Variants in MAPRE1 observed in about 807,000 individuals in gnomAD.
MAPRE1 encodes microtubule associated protein RP/EB family member 1, also known as microtubule-associated protein RP/EB family member 1.
A neutral mutation model predicts 32.1 loss-of-function variants in MAPRE1; 5 were observed. That is an observed-to-expected ratio of 0.16 (90% CI 0.08 to 0.33). MAPRE1 has a LOEUF of 0.33. MAPRE1 is among the 10% of genes least tolerant of loss of function. The pLI, the probability that MAPRE1 is intolerant of heterozygous loss-of-function variation, is 1.00. For synonymous variants in MAPRE1, 122 were observed against 118.9 expected (o/e 1.03, Z -0.17); for missense variants, 209 against 327.2 (o/e 0.64, Z 2.79).
At position 32,850,270 on chromosome 20, in the gene MAPRE1, C is replaced by T; in HGVS notation, c.*1542C>T. 6.6e-6 allele frequency: 1 copy of T among 152,612 alleles called. No individual in the cohort carries two copies. 9.5% of individuals were successfully genotyped at this position (152,612 alleles called of 1,614,324 possible). On this transcript the variant is annotated 3_prime_UTR_variant, in exon 7 of 7. Transcript: ENST00000375571. ...TGTTCAAATGACAGTGGTGCTATTT[C>T]TCTTTTGTGGCCTTTTAGACTTTTG...
chr20:32,821,986 T>C (rs242551), intron 1 of MAPRE1, among the ~76,000 whole-genome samples: 104,550 of 151,976 alleles, frequency 0.69, 38,085 homozygotes, highest in East Asian at 1. Flanking sequence ...TCTGTTTTGA[T>C]TGTCAGGAGG....
chr20:32,846,838 T>A (rs544384777), intron 6 of MAPRE1, 68 bp downstream of exon 6: 83 of 1,516,734 alleles, frequency 5.5e-5, no homozygotes, highest in Non-Finnish European at 6.9e-5. Flanking sequence ...TCTGTGCTGA[T>A]GCTTGTTGTA....
intron 2 of MAPRE1, among the ~76,000 whole-genome samples, chr20:32,831,771 G>T (rs1247596053): frequency 6.6e-6 from 1 of 151,892 alleles, no homozygotes; most frequent in African/African-American, 2.4e-5. Flanking sequence ...CTGACTTCAG[G>T]TGATCTGCCC....
chr20:32,823,360 T>C (rs551869169), intron 1 of MAPRE1, among the ~76,000 whole-genome samples: 1 of 152,354 alleles, frequency 6.6e-6, no homozygotes, highest in African/African-American at 2.4e-5. Context: ...TCCAGATTGC[T>C]CTGCATCTTT....
Position 32,828,394 on chromosome 20 carries a change from CTTAG to C in MAPRE1, c.121+2350_121+2353del, listed in dbSNP as rs1982926892. ...TAAATATATTCCAAAGTCTATTTCA[CTTAG>C]TTAATTGGAAAATGTGATCTTTAAT... On this transcript the variant is annotated intron_variant, in intron 2 of 6. Transcript: ENST00000375571. Among the ~76,000 whole-genome samples, 3 of 152,278 alleles carry C rather than the reference CTTAG, an allele frequency of 2.0e-5. No homozygotes were observed. In the South Asian group the frequency reaches 6.2e-4, roughly 32 times the overall value.
intron 4 of MAPRE1, among the ~76,000 whole-genome samples, chr20:32,838,520 G>C (rs115396597): frequency 0.012 from 1,879 of 152,280 alleles, 35 homozygotes; most frequent in African/African-American, 0.043. Context: ...TATACTCTGG[G>C]AGCAGAATTG....
At chr20:32,840,487 A>T (rs2146135607) in intron 5 of MAPRE1, among the ~76,000 whole-genome samples, 1 of 152,262 alleles carries the variant, frequency 6.6e-6, no homozygotes, top group East Asian at 1.9e-4. Context: ...TGTTTTATTA[A>T]AAAAGTTTTT....
chr20:32,830,107 T>C (rs1874341801), intron 2 of MAPRE1, among the ~76,000 whole-genome samples: 1 of 152,118 alleles, frequency 6.6e-6, no homozygotes. Context: ...TGTATTCGGC[T>C]CTCCCCTTCT....
chr20:32,848,715 A>T lies in MAPRE1; in HGVS notation c.794A>T (p.Gln265Leu), dbSNP rs1983571788. The change falls in exon 7 of 7, where the codon CAA (glutamine) becomes CTA (leucine). Residue 265 changes from glutamine (Q) to leucine (L), a missense_variant. Transcript: ENST00000375571. ...IPDEGGPQEE[Q>L]EEY ...GATGAAGGGGGCCCACAGGAGGAGCAAGAAGAGTATTAACAGCCTGGACCA... is the reference window on the plus strand; with the variant it reads ...GATGAAGGGGGCCCACAGGAGGAGCTAGAAGAGTATTAACAGCCTGGACCA... 1 of 1,612,782 alleles carries T rather than the reference A, an allele frequency of 6.2e-7. No homozygotes were observed. The highest frequency in any genetic ancestry group is 2.2e-5 in the East Asian group (1 of 44,822).
At chr20:32,825,783 CTG>C (rs772693227) in intron 1 of MAPRE1, 140 bp from the exon 2 acceptor site, 5 of 570,150 alleles carry the variant, frequency 8.8e-6, no homozygotes, top group Non-Finnish European at 1.4e-5. Context: ...GAGTGAGACT[CTG>C]TCTCAAAATA....
intron 2 of MAPRE1, among the ~76,000 whole-genome samples, chr20:32,829,162 T>G (rs1022068066): frequency 6.6e-6 from 1 of 152,144 alleles, no homozygotes; most frequent in African/African-American, 2.4e-5. Context: ...TCCGCCCACC[T>G]CGGCCTCCCA....
chr20:32,833,205 GAA>G (rs1983089121), intron 2 of MAPRE1, among the ~76,000 whole-genome samples: 1 of 151,950 alleles, frequency 6.6e-6, no homozygotes, highest in African/African-American at 2.4e-5. Flanking sequence ...GTTTCGAAAA[GAA>G]AAGAAAAGAA....
At chr20:32,842,831 G>C (rs1416467837) in intron 5 of MAPRE1, among the ~76,000 whole-genome samples, 1 of 152,170 alleles carries the variant, frequency 6.6e-6, no homozygotes, top group African/African-American at 2.4e-5. Context: ...CAACTCTTAT[G>C]GGGGAGAGTG....
At chr20:32,819,913 AG>A (rs1207100910), upstream of MAPRE1, 3 of 94,504 alleles carry the variant, frequency 3.2e-5, no homozygotes, top group Admixed American at 2.9e-4. Flanking sequence ...GCGCGTAACG[AG>A]GGGGTGCGTG....
In MAPRE1 at chr20:32,846,696, T is replaced by C. The variant is rs1318404272; in HGVS notation, c.676T>C (p.Leu226=). ...CTTCGGAAAGCTACGGAACATTGAA[T>C]TGATTTGCCAGGAGAACGAGGGGGA... The part of the protein sequence containing the change: ...FYFGKLRNIE[L]ICQENEGEND... The change falls in exon 6 of 7, where the codon TTG becomes CTG. Residue 226 remains leucine (L), a synonymous_variant. Transcript: ENST00000375571. 2 of 1,614,168 alleles carry C rather than the reference T, an allele frequency of 1.2e-6. No individual in the cohort carries two copies. Among genetic ancestry groups the C allele is most frequent in the Admixed American group, 3.3e-5 (2 of 60,030 alleles).
rs374092179 is a variant in MAPRE1 at position 32,839,770 on chromosome 20, G to C, written c.511G>C (p.Ala171Pro). 6.2e-7 allele frequency: 1 copy of C among 1,614,206 alleles called. No individual in the cohort carries two copies. The highest frequency in any genetic ancestry group is 8.5e-7 in the Non-Finnish European group (1 of 1,180,046). Reference sequence around the variant, plus strand: ...GCCCATCTCAACACAGAGAACCGCTGCGGCTCCTAAGGCTGGCCCTGGTGT... The same window carrying C: ...GCCCATCTCAACACAGAGAACCGCTCCGGCTCCTAAGGCTGGCCCTGGTGT... The part of the protein sequence containing the change: ...QRPISTQRTA[A>P]APKAGPGVVR... Residue 171 changes from alanine to proline, a missense_variant, in exon 5 of 7, where the codon GCG becomes CCG. Transcript: ENST00000375571.
chr20:32,827,921 G>A (rs1321957428), intron 2 of MAPRE1, among the ~76,000 whole-genome samples: 1 of 149,056 alleles, frequency 6.7e-6, no homozygotes, highest in East Asian at 2.0e-4. Flanking sequence ...TATTGCCGTT[G>A]CTTATAGGAT....
chr20:32,827,779 C>T (rs1198678406), intron 2 of MAPRE1, among the ~76,000 whole-genome samples: 1 of 151,812 alleles, frequency 6.6e-6, no homozygotes, highest in Non-Finnish European at 1.5e-5. Context: ...ACCTGTAGTC[C>T]AGCTACCCGG....
intron 5 of MAPRE1, among the ~76,000 whole-genome samples, chr20:32,842,599 A>T (rs1442931743): frequency 6.6e-6 from 1 of 152,206 alleles, no homozygotes; most frequent in Non-Finnish European, 1.5e-5. Flanking sequence ...TATTTGATTT[A>T]TCTAAGGTAT....
Sources: allele counts gnomAD v4.1 joint callset (sites outside exome capture counted in the v4.1 genomes callset), GRCh38; gene constraint gnomAD v4.1.1; transcripts MANE v1.5; gene names NCBI Gene and HGNC (gene_info 2026-07-23, HGNC 2026-07-21).